DNAJC15: variants seen among roughly 807,000 people sequenced by gnomAD.
DNAJC15 encodes dnaJ homolog subfamily C member 15.
A neutral mutation model predicts 22.4 loss-of-function variants in DNAJC15; 27 were observed. That is an observed-to-expected ratio of 1.20 (90% confidence interval 0.89 to 1.66). The LOEUF (loss-of-function observed/expected upper bound fraction) is 1.66, where lower values mean the gene tolerates loss of function less well. DNAJC15 is among the 40% of genes most tolerant of loss of function. The probability of loss-of-function intolerance (pLI) is 0.00; values close to 1 mark genes in which losing one functional copy is unlikely to be tolerated. For synonymous variants in DNAJC15, 79 were observed against 63.2 expected (o/e 1.25, Z -1.19); for missense variants, 208 against 187.1 (o/e 1.11, Z -0.65).
In DNAJC15 at chr13:43,042,366, G is replaced by A. The variant is rs77835093; in HGVS notation, c.108+18632G>A. 0.021 allele frequency among the ~76,000 whole-genome samples: 3,212 copies of A among 152,272 alleles called. 237 individuals carry two copies. The East Asian group carries it at 0.26, about 12-fold the overall frequency. ...CCATGGAAAGCAAAACTGTAAGAGA[G>A]GACTACTATAGTTTTGTTTCTTCCT... On this transcript the variant is annotated intron_variant, in intron 1 of 5. Coordinates refer to ENST00000379221, the MANE Select transcript of DNAJC15 (RefSeq NM_013238.3).
rs770923944 is a variant in DNAJC15 at position 43,085,822 on chromosome 13, G to A, written c.366G>A (p.Leu122=). The change falls in exon 5 of 6, where the codon TTG becomes TTA. Residue 122 remains leucine (L), a synonymous_variant. Coordinates refer to ENST00000379221, the MANE Select transcript of DNAJC15 (RefSeq NM_013238.3). ...IRTAHRRVMI[L]NHPDKGGSPY... is the part of the protein sequence containing the mutation. Reference sequence around the variant, plus strand: ...CAGCTCATAGGAGAGTCATGATTTTGAATCACCCAGATAAAGGTAGGTAGA... The same window carrying A: ...CAGCTCATAGGAGAGTCATGATTTTAAATCACCCAGATAAAGGTAGGTAGA... 8 of 1,613,282 alleles carry A rather than the reference G, an allele frequency of 5.0e-6. No individual in the cohort carries two copies. The Admixed American group carries it at 1.2e-4, about 24-fold the overall frequency.
chr13:43,025,708 A>G (rs1045982972), intron 1 of DNAJC15, among the ~76,000 whole-genome samples: 5 of 152,218 alleles, frequency 3.3e-5, no homozygotes, highest in Non-Finnish European at 7.3e-5. Context: ...GTTCGAGACC[A>G]GCCTGGCCAA....
intron 4 of DNAJC15, among the ~76,000 whole-genome samples, chr13:43,084,650 G>A (rs959890197): frequency 8.5e-5 from 13 of 152,222 alleles, no homozygotes; most frequent in African/African-American, 2.9e-4. Flanking sequence ...AGTAGCAGTA[G>A]TAGGATTTTG....
intron 3 of DNAJC15, among the ~76,000 whole-genome samples, chr13:43,073,873 T>A (rs1020349425): frequency 5.3e-5 from 8 of 151,956 alleles, no homozygotes; most frequent in Non-Finnish European, 7.4e-5. Flanking sequence ...GTTTTTTTTT[T>A]AAATTAATGT....
intron 5 of DNAJC15, among the ~76,000 whole-genome samples, chr13:43,102,782 A>G (rs28542999): frequency 6.6e-6 from 1 of 152,052 alleles, no homozygotes; most frequent in Non-Finnish European, 1.5e-5. Context: ...TGTGCTCATG[A>G]GAGATCTGGG....
chr13:43,085,019 A>T (rs983200388), intron 4 of DNAJC15, among the ~76,000 whole-genome samples: 4 of 152,198 alleles, frequency 2.6e-5, no homozygotes, highest in African/African-American at 9.7e-5. Flanking sequence ...CACCAAGAGG[A>T]TAAAAATTTG....
At chr13:43,064,690 A>G (rs2040574981) in intron 1 of DNAJC15, among the ~76,000 whole-genome samples, 1 of 152,236 alleles carries the variant, frequency 6.6e-6, no homozygotes, top group South Asian at 2.1e-4. Flanking sequence ...AGGGATGGGA[A>G]GGCAGCTCTG....
intron 4 of DNAJC15, among the ~76,000 whole-genome samples, chr13:43,084,576 T>A (rs1279077069): frequency 6.6e-6 from 1 of 152,238 alleles, no homozygotes; most frequent in Non-Finnish European, 1.5e-5. Flanking sequence ...TTAAGTCAAC[T>A]ATTATTATCC....
At chr13:43,048,325 C>CA (rs766125510) in intron 1 of DNAJC15, among the ~76,000 whole-genome samples, 14,676 of 130,316 alleles carry the variant, frequency 0.11, 2,035 homozygotes, top group African/African-American at 0.33. Flanking sequence ...ACTAAAAATA[C>CA]AAAAAAAAAA....
At chr13:43,056,218 C>A (rs187264284) in intron 1 of DNAJC15, among the ~76,000 whole-genome samples, 1 of 150,934 alleles carries the variant, frequency 6.6e-6, no homozygotes, top group South Asian at 2.1e-4. Flanking sequence ...ATAGTGCAAT[C>A]TCAGCTCACT....
At chr13:43,071,073 G>C (rs541307416) in intron 3 of DNAJC15, among the ~76,000 whole-genome samples, 1 of 152,118 alleles carries the variant, frequency 6.6e-6, no homozygotes, top group Non-Finnish European at 1.5e-5. Flanking sequence ...CTGTTACGGT[G>C]ATCTTCAATA....
intron 1 of DNAJC15, among the ~76,000 whole-genome samples, chr13:43,037,964 T>G (rs1313262896): frequency 6.6e-6 from 1 of 152,258 alleles, no homozygotes; most frequent in Non-Finnish European, 1.5e-5. Flanking sequence ...GTACTTAACA[T>G]GTGGTTGCTA....
intron 1 of DNAJC15, among the ~76,000 whole-genome samples, chr13:43,036,166 CTTTT>C (rs1181907862): frequency 7.9e-6 from 1 of 125,910 alleles, no homozygotes; most frequent in Middle Eastern, 3.7e-3. Flanking sequence ...CAGTTTCTGT[CTTTT>C]TTTTTTTTTT....
intron 5 of DNAJC15, among the ~76,000 whole-genome samples, chr13:43,099,999 G>A (rs77962586): frequency 0.013 from 2,051 of 152,058 alleles, 44 homozygotes; most frequent in African/African-American, 0.044. Flanking sequence ...GCCATCAGGG[G>A]CTGGGCTTTT....
At chr13:43,037,801 A>G (rs980581704) in intron 1 of DNAJC15, among the ~76,000 whole-genome samples, 5 of 152,212 alleles carry the variant, frequency 3.3e-5, no homozygotes, top group African/African-American at 1.2e-4. Context: ...TTTACAGATG[A>G]AGGAACACAT....
In DNAJC15 at chr13:43,023,705, C is replaced by G; in HGVS notation, c.79C>G (p.Pro27Ala). The G allele has an allele frequency of 6.2e-7, 1 of 1,611,854 alleles. No homozygotes were observed. Among genetic ancestry groups the G allele is most frequent in the Non-Finnish European group, 8.5e-7 (1 of 1,179,210 alleles). ...GTACTTGCAGCCCTCGGCCAAACGG[C>G]CAGACGCCGACGTCGACCAGCAGAG... ...AEYLQPSAKR[P>A]DADVDQQRLV... Residue 27 changes from proline to alanine, a missense_variant, in exon 1 of 6, where the codon CCA becomes GCA. Coordinates refer to ENST00000379221, the MANE Select transcript of DNAJC15 (RefSeq NM_013238.3).
chr13:43,053,911 C>T (rs1368702919), intron 1 of DNAJC15, among the ~76,000 whole-genome samples: 5 of 152,162 alleles, frequency 3.3e-5, no homozygotes, highest in African/African-American at 1.2e-4. Flanking sequence ...TTATTTCCCT[C>T]TCTTGTTTGA....
intron 4 of DNAJC15, among the ~76,000 whole-genome samples, chr13:43,085,380 A>G (rs1428395151): frequency 6.6e-6 from 1 of 151,444 alleles, no homozygotes; most frequent in Non-Finnish European, 1.5e-5. Flanking sequence ...TGGGGGGGGA[A>G]AGTCCAGCAG....
chr13:43,095,228 A>T (rs1362449519), intron 5 of DNAJC15, among the ~76,000 whole-genome samples: 3 of 152,202 alleles, frequency 2.0e-5, no homozygotes, highest in African/African-American at 7.2e-5. Context: ...CAAGAAAGTG[A>T]ATTTGAGATA....
Sources: allele counts gnomAD v4.1 joint callset (sites outside exome capture counted in the v4.1 genomes callset), GRCh38; gene constraint gnomAD v4.1.1; transcripts MANE v1.5; gene names NCBI Gene and HGNC (gene_info 2026-07-23, HGNC 2026-07-21).